The following STPG2 variants were observed in gnomAD, a reference collection of about 807,000 sequenced individuals.
STPG2 encodes sperm-tail PG-rich repeat-containing protein 2.
In STPG2, 56 loss-of-function variants were observed where a neutral mutation model predicts 54.2. The ratio of observed to expected loss-of-function variants is 1.03; its 90% confidence interval spans 0.83 to 1.29. STPG2 has a LOEUF of 1.29. STPG2 is among the 50% of genes most tolerant of loss of function. The pLI, the probability that STPG2 is intolerant of heterozygous loss-of-function variation, is 0.00. For synonymous variants in STPG2, 200 were observed against 181.8 expected, an observed-to-expected ratio of 1.10 and a Z score of -0.81; for missense variants, 596 against 544.9, an observed-to-expected ratio of 1.09 and a Z score of -0.93.
chr4:97,543,542 A>G (rs549707308), intron 4 of STPG2, among the ~76,000 whole-genome samples: 1 of 152,214 alleles, frequency 6.6e-6, no homozygotes, highest in Non-Finnish European at 1.5e-5. Flanking sequence ...AACACGCCAA[A>G]CAATTAAACA....
intron 10 of STPG2, among the ~76,000 whole-genome samples, chr4:97,684,577 C>A (rs1029868312): frequency 6.6e-6 from 1 of 152,052 alleles, no homozygotes; most frequent in Non-Finnish European, 1.5e-5. Context: ...GACCTTACAT[C>A]TTTTACAAAA....
At chr4:97,865,080 A>G (rs1729716539) in intron 8 of STPG2, among the ~76,000 whole-genome samples, 1 of 152,216 alleles carries the variant, frequency 6.6e-6, no homozygotes, top group South Asian at 2.1e-4. Context: ...ACAAAAGCCA[A>G]AATTGACAAA....
At chr4:97,862,123 C>T (rs1272360632) in intron 8 of STPG2, among the ~76,000 whole-genome samples, 7 of 151,978 alleles carry the variant, frequency 4.6e-5, no homozygotes, top group Admixed American at 2.0e-4. Context: ...AAGACACAGA[C>T]TGGCAAATTG....
intron 4 of STPG2, among the ~76,000 whole-genome samples, chr4:97,547,776 G>A (rs1455525747): frequency 6.6e-6 from 1 of 152,166 alleles, no homozygotes; most frequent in Admixed American, 6.5e-5. Context: ...AGCATTCCAA[G>A]TGATGTGTCC....
chr4:97,986,450 G>A (rs560303730), intron 5 of STPG2, among the ~76,000 whole-genome samples: 1 of 152,312 alleles, frequency 6.6e-6, no homozygotes, highest in African/African-American at 2.4e-5. Flanking sequence ...TATCACTAGT[G>A]AAGGTCCCAG....
intron 10 of STPG2, among the ~76,000 whole-genome samples, chr4:97,577,555 G>A (rs774438001): frequency 6.6e-6 from 1 of 152,092 alleles, no homozygotes; most frequent in Non-Finnish European, 1.5e-5. Context: ...TTAAACATGG[G>A]AACAACAGAC....
intron 10 of STPG2, among the ~76,000 whole-genome samples, chr4:97,584,744 G>A (rs1008441206): frequency 3.3e-5 from 5 of 151,294 alleles, no homozygotes; most frequent in Admixed American, 6.6e-5. Context: ...CTACTATGAA[G>A]ACCTCAAGTA....
intron 5 of STPG2, among the ~76,000 whole-genome samples, chr4:98,011,144 T>C (rs1219179495): frequency 3.9e-5 from 6 of 152,084 alleles, no homozygotes; most frequent in African/African-American, 1.4e-4. Context: ...CAGTGTGTGT[T>C]TTTCCCCTCC....
At chr4:97,596,388 C>G (rs1733294040) in intron 10 of STPG2, among the ~76,000 whole-genome samples, 4 of 151,996 alleles carry the variant, frequency 2.6e-5, no homozygotes, top group Admixed American at 2.6e-4. Context: ...ACATTTGGAA[C>G]CTGAACTTGA....
At chr4:97,773,556 C>T (rs763005851) in intron 9 of STPG2, among the ~76,000 whole-genome samples, 1 of 152,094 alleles carries the variant, frequency 6.6e-6, no homozygotes, top group Non-Finnish European at 1.5e-5. Flanking sequence ...AAGTAATCTC[C>T]CCACCTCAGC....
chr4:97,549,187 A>G lies in STPG2; in HGVS notation c.462+163512T>C, dbSNP rs545621274. Among the ~76,000 whole-genome samples, 12 of 152,230 alleles carry G rather than the reference A, an allele frequency of 7.9e-5. No homozygotes were observed. In the South Asian group the frequency reaches 2.1e-3, roughly 26 times the overall value. Reference sequence around the variant, plus strand: ...ATGTTATTTAGCCCAGCTTAATCTCAATGTCTCCATCTGCAGTTAGGATAA... The same window carrying G: ...ATGTTATTTAGCCCAGCTTAATCTCGATGTCTCCATCTGCAGTTAGGATAA... On this transcript the variant is annotated intron_variant, in intron 4 of 4. Transcript: ENST00000522676.
In STPG2 at chr4:97,530,443, C is replaced by A. The variant is rs145389816; in HGVS notation, c.462+182256G>T. 2.0e-3 allele frequency among the ~76,000 whole-genome samples: 310 copies of A among 152,052 alleles called. 2 individuals are homozygous for A. The highest frequency in any genetic ancestry group is 3.6e-3 in the Non-Finnish European group (244 of 68,002). On this transcript the variant is annotated intron_variant, in intron 4 of 4. Coordinates refer to the STPG2 transcript ENST00000522676. ...TGAAAGCCAATGCTTAGGTAAATGT[C>A]TTAAAAATTCTAAACATTTTAAATC... is the stretch of plus-strand genomic sequence containing the variant.
intron 10 of STPG2, among the ~76,000 whole-genome samples, chr4:97,635,733 A>T (rs1578442166): frequency 2.0e-5 from 1 of 50,130 alleles, no homozygotes; most frequent in Non-Finnish European, 6.4e-5. Context: ...AAAGATCGAA[A>T]GAGACAAAGA....
chr4:97,729,358 A>G lies in STPG2; in HGVS notation c.1205-16544T>C, dbSNP rs528447305. On this transcript the variant is annotated intron_variant, in intron 9 of 10. Coordinates refer to ENST00000295268, the MANE Select transcript of STPG2 (RefSeq NM_174952.3). Reference sequence around the variant, plus strand: ...TTGCCATTCTTTAATTCCCATGAATAAAAGCAATAGCAAAAACCACAATTA... The same window carrying G: ...TTGCCATTCTTTAATTCCCATGAATGAAAGCAATAGCAAAAACCACAATTA... 2.0e-5 allele frequency among the ~76,000 whole-genome samples: 3 copies of G among 152,320 alleles called. No individual in the cohort carries two copies. In the South Asian group the frequency reaches 6.2e-4, roughly 32 times the overall value.
At chr4:97,954,974 G>GA (rs1363712177) in intron 7 of STPG2, among the ~76,000 whole-genome samples, 1 of 151,900 alleles carries the variant, frequency 6.6e-6, no homozygotes, top group Non-Finnish European at 1.5e-5. Context: ...TAAAACAGAT[G>GA]AAAAAATAGA....
chr4:97,793,162 G>T (rs552241147), intron 9 of STPG2, among the ~76,000 whole-genome samples: 1 of 151,870 alleles, frequency 6.6e-6, no homozygotes, highest in East Asian at 1.9e-4. Flanking sequence ...AGTCACTTTC[G>T]CAGTAAGACT....
intron 10 of STPG2, among the ~76,000 whole-genome samples, chr4:97,632,748 A>G (rs1275986260): frequency 6.6e-6 from 1 of 152,188 alleles, no homozygotes; most frequent in Non-Finnish European, 1.5e-5. Context: ...GACCAAGACC[A>G]GGAAGGGAAG....
chr4:97,729,997 C>T (rs920320803), intron 9 of STPG2, among the ~76,000 whole-genome samples: 2 of 152,056 alleles, frequency 1.3e-5, no homozygotes, highest in African/African-American at 2.4e-5. Flanking sequence ...GTCTTTAGGG[C>T]TTTTCTTTTT....
intron 6 of STPG2, among the ~76,000 whole-genome samples, chr4:97,974,363 T>C (rs1304237653): frequency 6.6e-6 from 1 of 152,188 alleles, no homozygotes; most frequent in African/African-American, 2.4e-5. Context: ...TAAATGATAC[T>C]TTGGACTGTG....
Sources: gnomAD v4.1 joint callset for allele counts (sites outside exome capture counted in the v4.1 genomes callset) on GRCh38, gnomAD v4.1.1 for gene constraint, MANE v1.5 for transcripts, NCBI Gene and HGNC (gene_info 2026-07-23, HGNC 2026-07-21) for gene names.